Variants in HCN1 observed in about 807,000 individuals in gnomAD.
HCN1 encodes the protein potassium/sodium hyperpolarization-activated cyclic nucleotide-gated channel 1.
Under a neutral mutation model 78.9 loss-of-function variants are expected in HCN1, and 13 were observed. That is an observed-to-expected ratio of 0.16 (90% confidence interval 0.11 to 0.26). HCN1 has a LOEUF of 0.26. HCN1 is among the 10% of genes least tolerant of loss of function. The probability of loss-of-function intolerance (pLI) is 1.00; values close to 1 mark genes in which losing one functional copy is unlikely to be tolerated. For synonymous variants in HCN1, 552 were observed against 455.5 expected (o/e 1.21, Z -2.70); for missense variants, 810 against 1,154.3 (o/e 0.70, Z 4.32).
At chr5:45,268,914 C>T (rs1395263274) in intron 6 of HCN1, among the ~76,000 whole-genome samples, 2 of 152,186 alleles carry the variant, frequency 1.3e-5, no homozygotes, top group African/African-American at 2.4e-5. Flanking sequence ...TTGAATACTA[C>T]TCCAAAATTA....
At chr5:45,327,882 T>C (rs1021412265) in intron 5 of HCN1, among the ~76,000 whole-genome samples, 1 of 151,656 alleles carries the variant, frequency 6.6e-6, no homozygotes, top group East Asian at 1.9e-4. Context: ...AATACCTCGA[T>C]CTCAGACTTC....
chr5:45,411,338 C>A (rs1028590309), intron 3 of HCN1, among the ~76,000 whole-genome samples: 3 of 151,796 alleles, frequency 2.0e-5, no homozygotes, highest in African/African-American at 7.3e-5. Context: ...TTTTATTTTC[C>A]CTCTCTTTCT....
chr5:45,300,579 A>T (rs1416097930), intron 6 of HCN1, among the ~76,000 whole-genome samples: 1 of 152,144 alleles, frequency 6.6e-6, no homozygotes, highest in South Asian at 2.1e-4. Flanking sequence ...ACAGCATACA[A>T]AATATGTTTT....
At chr5:45,375,682 A>G (rs1446993798) in intron 4 of HCN1, among the ~76,000 whole-genome samples, 1 of 110,168 alleles carries the variant, frequency 9.1e-6, no homozygotes, top group African/African-American at 3.9e-5. Flanking sequence ...GATACATATT[A>G]TATATAAGAT....
At chr5:45,294,553 TGAGTAAAG>T (rs1253033338) in intron 6 of HCN1, among the ~76,000 whole-genome samples, 1 of 151,852 alleles carries the variant, frequency 6.6e-6, no homozygotes, top group Non-Finnish European at 1.5e-5. Context: ...AAGAGGTGAA[TGAGTAAAG>T]GAGATATTAA....
At chr5:45,409,840 C>T (rs1223173735) in intron 3 of HCN1, among the ~76,000 whole-genome samples, 5 of 151,054 alleles carry the variant, frequency 3.3e-5, no homozygotes, top group Admixed American at 6.6e-5. Context: ...GATCAAAATA[C>T]ATAAATAAAC....
At chr5:45,598,619 A>G (rs1402288840) in intron 2 of HCN1, among the ~76,000 whole-genome samples, 1 of 152,238 alleles carries the variant, frequency 6.6e-6, no homozygotes, top group African/African-American at 2.4e-5. Context: ...TTACCATCAC[A>G]GTGAACAGGC....
intron 5 of HCN1, among the ~76,000 whole-genome samples, chr5:45,342,540 C>A (rs981747094): frequency 6.6e-6 from 1 of 152,002 alleles, no homozygotes; most frequent in Admixed American, 6.6e-5. Flanking sequence ...CTGCTCCCAG[C>A]TTATTTCTTT....
At chr5:45,497,830 C>A (rs868064926) in intron 2 of HCN1, among the ~76,000 whole-genome samples, 51 of 152,148 alleles carry the variant, frequency 3.4e-4, no homozygotes, top group African/African-American at 1.1e-3. Flanking sequence ...GATTTTATTT[C>A]TCCTTCACTT....
At chr5:45,678,259 C>A (rs143141258) in intron 1 of HCN1, among the ~76,000 whole-genome samples, 4 of 151,888 alleles carry the variant, frequency 2.6e-5, no homozygotes, top group Non-Finnish European at 5.9e-5. Flanking sequence ...AGAGGTACAA[C>A]GGTACCATAG....
At chr5:45,590,994 G>T (rs1056445404) in intron 2 of HCN1, among the ~76,000 whole-genome samples, 1 of 151,926 alleles carries the variant, frequency 6.6e-6, no homozygotes, top group Non-Finnish European at 1.5e-5. Context: ...ACCATGACTG[G>T]CTAATTTTTT....
chr5:45,555,253 C>T (rs1453007895), intron 2 of HCN1, among the ~76,000 whole-genome samples: 1 of 151,180 alleles, frequency 6.6e-6, no homozygotes, highest in African/African-American at 2.4e-5. Context: ...CAACAGTGAA[C>T]AATATGAAAA....
chr5:45,282,592 G>A (rs1745190556), intron 6 of HCN1, among the ~76,000 whole-genome samples: 1 of 152,078 alleles, frequency 6.6e-6, no homozygotes, highest in South Asian at 2.1e-4. Flanking sequence ...CCTTAATCTG[G>A]CTTTCAAAAC....
intron 2 of HCN1, among the ~76,000 whole-genome samples, chr5:45,542,950 G>A (rs74957671): frequency 0.072 from 10,954 of 152,138 alleles, 577 homozygotes; most frequent in Middle Eastern, 0.15. Flanking sequence ...ACAGAGGTAT[G>A]CAACCTTATG....
chr5:45,463,376 T>C (rs969664959), intron 2 of HCN1, among the ~76,000 whole-genome samples: 1 of 151,982 alleles, frequency 6.6e-6, no homozygotes, highest in African/African-American at 2.4e-5. Context: ...CTTTTTGACA[T>C]AGTAATTATA....
intron 2 of HCN1, among the ~76,000 whole-genome samples, chr5:45,578,105 A>G (rs1743986895): frequency 6.6e-6 from 1 of 152,012 alleles, no homozygotes; most frequent in African/African-American, 2.4e-5. Context: ...AGGGATGGTA[A>G]GAAAAGGTTT....
chr5:45,498,915 C>T (rs1561178378), intron 2 of HCN1, among the ~76,000 whole-genome samples: 1 of 152,134 alleles, frequency 6.6e-6, no homozygotes, highest in Non-Finnish European at 1.5e-5. Context: ...GGTCAGGGAC[C>T]CACTTTAGGA....
chr5:45,408,113 A>G (rs1245341285), intron 3 of HCN1, among the ~76,000 whole-genome samples: 1 of 152,228 alleles, frequency 6.6e-6, no homozygotes, highest in Non-Finnish European at 1.5e-5. Context: ...AGTCAAAAAC[A>G]TAAAAATAAA....
intron 6 of HCN1, among the ~76,000 whole-genome samples, chr5:45,291,660 C>T (rs931807428): frequency 1.3e-5 from 2 of 151,854 alleles, no homozygotes; most frequent in Admixed American, 6.6e-5. Flanking sequence ...CCACTTCAGG[C>T]CCCCCAAGTA....
Sources: gnomAD v4.1 joint callset for allele counts (sites outside exome capture counted in the v4.1 genomes callset) on GRCh38, gnomAD v4.1.1 for gene constraint, MANE v1.5 for transcripts, NCBI Gene and HGNC (gene_info 2026-07-23, HGNC 2026-07-21) for gene names.